The following SLC6A12 variants were observed in gnomAD, a reference collection of about 807,000 sequenced individuals.
The protein encoded by SLC6A12 is sodium- and chloride-dependent betaine transporter.
Under a neutral mutation model 73.3 loss-of-function variants are expected in SLC6A12, and 50 were observed. The ratio of observed to expected loss-of-function variants is 0.68; its 90% CI spans 0.54 to 0.86. SLC6A12 has a LOEUF of 0.86. SLC6A12 is among the 40% of genes least tolerant of loss of function. The probability of loss-of-function intolerance (pLI) is 0.00; values close to 1 mark genes in which losing one functional copy is unlikely to be tolerated. For missense variants in SLC6A12, 648 were observed against 772.8 expected, an observed-to-expected ratio of 0.84 and a Z score of 1.92; for synonymous variants, 304 against 309.2, an observed-to-expected ratio of 0.98 and a Z score of 0.18.
chr12:190,028 C>G (rs1939526173), downstream of SLC6A12: 1 of 152,312 alleles, frequency 6.6e-6, no homozygotes, highest in African/African-American at 2.4e-5. Context: ...TTCCCCCACC[C>G]CAAGCGGCAT....
chr12:195,592 AC>A (rs1188539793), intron 12 of SLC6A12, among the ~76,000 whole-genome samples: 2 of 151,406 alleles, frequency 1.3e-5, no homozygotes, highest in African/African-American at 4.9e-5. Flanking sequence ...GGAAAGTGAC[AC>A]CCCCTCATTC....
chr12:205,605 A>G (rs1364812383), intron 3 of SLC6A12, among the ~76,000 whole-genome samples: 1 of 152,264 alleles, frequency 6.6e-6, no homozygotes, highest in Non-Finnish European at 1.5e-5. Context: ...GGCTGAGCTC[A>G]TAATCACTAC....
chr12:196,834 G>A lies in SLC6A12; in HGVS notation c.1124C>T (p.Pro375Leu). ...CAGGCAGGACCACAGCTGGGATAAG[G>A]GCATCATAGTCACAGCCTTGGGGAA... ...IAFPKAVTMM[P>L]LSQLWSCLFF... Residue 375 changes from proline (P) to leucine (L), a missense_variant, in exon 11 of 16, where the codon CCC (proline) becomes CTC (leucine). Coordinates refer to ENST00000684302, the MANE Select transcript of SLC6A12 (RefSeq NM_001122848.3). 5 of 1,613,996 alleles carry A rather than the reference G, an allele frequency of 3.1e-6. No homozygotes were observed. Among genetic ancestry groups the A allele is most frequent in the Non-Finnish European group, 4.2e-6 (5 of 1,179,938 alleles).
At position 201,812 on chromosome 12, in the gene SLC6A12, G is replaced by A. The variant is rs762672599; in HGVS notation, c.528C>T (p.Gly176=). 1 of 1,614,122 alleles carries A rather than the reference G, an allele frequency of 6.2e-7. No individual in the cohort carries two copies. Among genetic ancestry groups the A allele is most frequent in the Admixed American group, 1.7e-5 (1 of 60,018 alleles). The change falls in exon 6 of 16, where the codon GGC becomes GGT. Residue 176 remains glycine (G), a synonymous_variant. Coordinates refer to ENST00000684302, the MANE Select transcript of SLC6A12 (RefSeq NM_001122848.3). ...TAAAATTCTCAAATGGGGTCACTGTGCCGGCTCCTGAGTGGTTCAGAAAGT... is the reference window on the plus strand; with the variant it reads ...TAAAATTCTCAAATGGGGTCACTGTACCGGCTCCTGAGTGGTTCAGAAAGT... The part of the protein sequence containing the change: ...CTDFLNHSGA[G]TVTPFENFTS...
At chr12:193,433 G>A (rs974696858) in intron 13 of SLC6A12, 56 bp from the exon 14 acceptor site, 62 of 1,380,256 alleles carry the variant, frequency 4.5e-5, no homozygotes, top group African/African-American at 1.4e-4. Context: ...ACAGCTTCCC[G>A]GTGTTTGGGA....
chr12:186,788 G>A (rs1272764641), downstream of SLC6A12, among the ~76,000 whole-genome samples: 1 of 152,208 alleles, frequency 6.6e-6, no homozygotes. Flanking sequence ...CCTTCTTCGG[G>A]AGAATGTCCA....
intron 13 of SLC6A12, 52 bp downstream of exon 13, chr12:195,173 C>T (rs1419760714): frequency 8.4e-7 from 1 of 1,196,186 alleles, no homozygotes; most frequent in African/African-American, 1.5e-5. Context: ...CCCTGGCTGG[C>T]TAGACGGTCT....
chr12:188,059 G>C (rs1184264155), downstream of SLC6A12, among the ~76,000 whole-genome samples: 1 of 152,234 alleles, frequency 6.6e-6, no homozygotes, highest in Non-Finnish European at 1.5e-5. Flanking sequence ...GCTTCACCCA[G>C]TGGATCCCTC....
At chr12:199,198 C>G in intron 7 of SLC6A12, 1 of 502,218 alleles carries the variant, frequency 2.0e-6, no homozygotes, top group Non-Finnish European at 3.6e-6. Context: ...AGGCTTCCAG[C>G]CCATAACCTG....
intron 13 of SLC6A12, among the ~76,000 whole-genome samples, chr12:194,515 C>T (rs577888750): frequency 6.6e-6 from 1 of 152,304 alleles, no homozygotes; most frequent in South Asian, 2.1e-4. Flanking sequence ...TGAGCTTAGG[C>T]AAGAGACTGA....
rs1224347783 is a variant in SLC6A12, at chr12:213,508, C to T, written c.-143+414G>A. 6.6e-6 allele frequency: 1 copy of T among 152,496 alleles called. No individual in the cohort carries two copies. Among genetic ancestry groups the T allele is most frequent in the Admixed American group, 6.5e-5 (1 of 15,290 alleles). The allele number at this position is 152,496 out of a possible 1,614,324, so 9.4% of individuals were successfully genotyped here. A position where few individuals can be genotyped will look rare whatever the true frequency, so the allele number is the denominator to read the frequency against. On this transcript the variant is annotated intron_variant, in intron 1 of 15. Transcript: ENST00000684302. The surrounding 1 kb of genome is among the most constrained non-coding windows in gnomAD (Gnocchi z 5.3). ...CGGCAGGCAGCGGGCAGGAACCCCT[C>T]ACCTGTGATCATTTATTGCAGTTCC...
downstream of SLC6A12, among the ~76,000 whole-genome samples, chr12:187,313 G>C (rs1412101302): frequency 6.6e-6 from 1 of 152,106 alleles, no homozygotes; most frequent in East Asian, 1.9e-4. Context: ...AAGGCGGCGT[G>C]TCCGGAGTTT....
At chr12:211,437 G>C (rs1940900753) in intron 2 of SLC6A12, among the ~76,000 whole-genome samples, 1 of 152,224 alleles carries the variant, frequency 6.6e-6, no homozygotes, top group African/African-American at 2.4e-5. Context: ...TGTAAGCTCA[G>C]CCCAGGAGGG....
intron 5 of SLC6A12, 54 bp downstream of exon 5, chr12:202,686 C>A: frequency 6.4e-7 from 1 of 1,566,658 alleles, no homozygotes; most frequent in South Asian, 1.2e-5. Context: ...ATTCACCAGC[C>A]ACCGCAGCCC....
chr12:188,396 C>T (rs1337353072), downstream of SLC6A12, among the ~76,000 whole-genome samples: 1 of 152,126 alleles, frequency 6.6e-6, no homozygotes, highest in Non-Finnish European at 1.5e-5. Context: ...CCCACGCCCA[C>T]CCGGAACTCG....
chr12:197,003 A>T (rs1939900265), intron 10 of SLC6A12, 121 bp from the exon 11 acceptor site: 1 of 624,642 alleles, frequency 1.6e-6, no homozygotes, highest in East Asian at 2.8e-5. Context: ...GGAAAGGGTG[A>T]TTCCATCCAC....
intron 6 of SLC6A12, chr12:201,434 G>A (rs1940259050): frequency 6.8e-6 from 2 of 295,608 alleles, no homozygotes; most frequent in Non-Finnish European, 1.3e-5. Flanking sequence ...ATGGCAGTGG[G>A]AAGAGACATG....
At chr12:188,213 G>C (rs1163218629), downstream of SLC6A12, among the ~76,000 whole-genome samples, 2 of 152,224 alleles carry the variant, frequency 1.3e-5, no homozygotes, top group South Asian at 2.1e-4. Context: ...AGCCCATGGA[G>C]GGGGAGGGAG....
chr12:186,635 G>A (rs543083933), downstream of SLC6A12, among the ~76,000 whole-genome samples: 2 of 152,226 alleles, frequency 1.3e-5, no homozygotes, highest in South Asian at 2.1e-4. Context: ...ACCATTAGTG[G>A]GAGGCCTGGA....
Sources: gnomAD v4.1 joint callset for allele counts (sites outside exome capture counted in the v4.1 genomes callset) on GRCh38, gnomAD v4.1.1 for gene constraint, Gnocchi (gnomAD v3.1) non-coding constraint, MANE v1.5 for transcripts, NCBI Gene and HGNC (gene_info 2026-07-23, HGNC 2026-07-21) for gene names.